Variants in CDKL2 observed in about 807,000 individuals in gnomAD.
CDKL2 encodes the protein cyclin-dependent kinase-like 2.
Under a neutral mutation model 63.9 loss-of-function variants are expected in CDKL2, and 64 were observed. The ratio of observed to expected loss-of-function variants is 1.00; its 90% CI spans 0.82 to 1.23. CDKL2 has a LOEUF of 1.23. Among genes scored for constraint, CDKL2 ranks in the 50% most tolerant of loss-of-function variants. The pLI is 0.00. For synonymous variants in CDKL2, 211 were observed against 229.2 expected, an observed-to-expected ratio of 0.92 and a Z score of 0.72; for missense variants, 656 against 668.0, an observed-to-expected ratio of 0.98 and a Z score of 0.20.
chr4:75,609,184 G>C (rs191079519), intron 3 of CDKL2, among the ~76,000 whole-genome samples: 1 of 152,280 alleles, frequency 6.6e-6, no homozygotes, highest in East Asian at 1.9e-4. Context: ...TGGGTGGAAT[G>C]CTGAGCACCC....
intron 2 of CDKL2, among the ~76,000 whole-genome samples, chr4:75,620,481 C>T (rs1194428743): frequency 6.6e-6 from 1 of 152,134 alleles, no homozygotes; most frequent in Non-Finnish European, 1.5e-5. Context: ...AGTATAATTA[C>T]TTTTGTTCAC....
intron 6 of CDKL2, among the ~76,000 whole-genome samples, chr4:75,602,009 T>G (rs1729208799): frequency 6.6e-6 from 1 of 152,190 alleles, no homozygotes; most frequent in African/African-American, 2.4e-5. Context: ...TAGAGTTGAT[T>G]CTCACTTGAT....
intron 13 of CDKL2, among the ~76,000 whole-genome samples, chr4:75,579,748 G>A (rs935156252): frequency 6.6e-6 from 1 of 152,126 alleles, no homozygotes; most frequent in Non-Finnish European, 1.5e-5. Flanking sequence ...TTGACAAAAT[G>A]CATCCAAGTT....
intron 12 of CDKL2, among the ~76,000 whole-genome samples, chr4:75,588,749 A>G (rs921399342): frequency 7.9e-5 from 12 of 152,214 alleles, no homozygotes; most frequent in African/African-American, 2.9e-4. Flanking sequence ...CCTAGAGCCC[A>G]GATCTTAATT....
chr4:75,625,985 C>T lies in CDKL2; in HGVS notation c.4G>A (p.Glu2Lys). 6.2e-7 allele frequency: 1 copy of T among 1,607,088 alleles called. No homozygotes were observed. The highest frequency in any genetic ancestry group is 1.3e-5 in the African/African-American group (1 of 74,594). Residue 2 changes from glutamate (E) to lysine (K), a missense_variant, in exon 2 of 14, where the codon GAA becomes AAA. Glu to Lys is a moderately conservative substitution (Grantham distance 56). Coordinates refer to ENST00000307465, the MANE Select transcript of CDKL2 (RefSeq NM_001330724.2). M[E>K]KYENLGLVGE... ...ACCAAACCCAGGTTTTCATATTTTTCCATTTTAATTTAAAGTCCGTAGAAA... is the reference window on the plus strand; with the variant it reads ...ACCAAACCCAGGTTTTCATATTTTTTCATTTTAATTTAAAGTCCGTAGAAA...
chr4:75,593,250 C>T (rs1171529371), intron 10 of CDKL2, among the ~76,000 whole-genome samples: 2 of 151,478 alleles, frequency 1.3e-5, no homozygotes, highest in African/African-American at 4.8e-5. Context: ...TATGCAAGTA[C>T]AAAAAATAAA....
chr4:75,605,992 T>A (rs1026430419), intron 4 of CDKL2, among the ~76,000 whole-genome samples: 1 of 152,162 alleles, frequency 6.6e-6, no homozygotes, highest in African/African-American at 2.4e-5. Context: ...AAAAGGGAAA[T>A]GCCTTCTGAA....
At chr4:75,619,380 G>T (rs1338511055) in intron 2 of CDKL2, among the ~76,000 whole-genome samples, 1 of 151,868 alleles carries the variant, frequency 6.6e-6, no homozygotes, top group Non-Finnish European at 1.5e-5. Context: ...ATTGGAAATG[G>T]CCCAGCAGCC....
chr4:75,596,872 A>G, intron 9 of CDKL2, 63 bp downstream of exon 9: 3 of 1,351,596 alleles, frequency 2.2e-6, no homozygotes, highest in Non-Finnish European at 3.1e-6. Context: ...TGAATTGACA[A>G]ACCCTTGCAA....
In CDKL2 at chr4:75,577,182, A is replaced by C. The variant is rs1728059403; in HGVS notation, c.*2020T>G. Reference sequence around the variant, plus strand: ...CAAGCCCACTGCTCCCCACCAGTACATACACATATTCCCTATTAGTGTGTG... The same window carrying C: ...CAAGCCCACTGCTCCCCACCAGTACCTACACATATTCCCTATTAGTGTGTG... On this transcript the variant is annotated 3_prime_UTR_variant, in exon 14 of 14. Coordinates refer to ENST00000307465, the MANE Select transcript of CDKL2 (RefSeq NM_001330724.2). Among the ~76,000 whole-genome samples the C allele has an allele frequency of 6.6e-6, 1 of 152,148 alleles. No individual in the cohort carries two copies. The highest frequency in any genetic ancestry group is 2.4e-5 in the African/African-American group (1 of 41,448).
intron 3 of CDKL2, among the ~76,000 whole-genome samples, chr4:75,609,610 T>A (rs1301497397): frequency 1.6e-4 from 24 of 147,184 alleles, no homozygotes; most frequent in East Asian, 7.9e-4. Flanking sequence ...TCAAAAAATA[T>A]ATATATAAAA....
intron 7 of CDKL2, among the ~76,000 whole-genome samples, chr4:75,598,720 C>T (rs1729049775): frequency 1.3e-5 from 2 of 151,772 alleles, no homozygotes; most frequent in Admixed American, 1.3e-4. Context: ...TGAGAATATA[C>T]GTAAAGCACC....
Position 75,603,863 on chromosome 4 carries a change from T to C in CDKL2, c.749A>G (p.Glu250Gly), listed in dbSNP as rs748935128. 3 of 1,613,626 alleles carry C rather than the reference T, an allele frequency of 1.9e-6. No homozygotes were observed. The highest frequency in any genetic ancestry group is 3.3e-5 in the Admixed American group (2 of 59,894). ...LPEIKEREPL[E>G]RRYPKLSEVV... is the part of the protein sequence containing the mutation. ...TTCAGAGAGCTTAGGATAGCGTCTT[T>C]CAAGAGGTTCTCTTTCCTTGATTTC... Residue 250 changes from glutamate (E) to glycine (G), a missense_variant, in exon 6 of 14, where the codon GAA becomes GGA. Coordinates refer to ENST00000307465, the MANE Select transcript of CDKL2 (RefSeq NM_001330724.2).
intron 7 of CDKL2, among the ~76,000 whole-genome samples, chr4:75,598,815 A>T (rs1009292594): frequency 1.3e-5 from 2 of 152,198 alleles, no homozygotes; most frequent in Non-Finnish European, 2.9e-5. Flanking sequence ...AGATATTTTT[A>T]CTTGAAAGAA....
chr4:75,626,134 C>A, intron 1 of CDKL2, 117 bp from the exon 2 acceptor site: 1 of 658,156 alleles, frequency 1.5e-6, no homozygotes, highest in Non-Finnish European at 2.6e-6. Flanking sequence ...TCATGGCTGT[C>A]CTGTATTAAT....
chr4:75,625,074 T>G (rs1170161815), intron 2 of CDKL2, among the ~76,000 whole-genome samples: 16 of 152,270 alleles, frequency 1.1e-4, no homozygotes, highest in Admixed American at 3.9e-4. Context: ...CAGTGTTGGA[T>G]AAAACAAGCA....
chr4:75,594,096 T>G (rs1728814047), intron 10 of CDKL2, among the ~76,000 whole-genome samples: 1 of 152,226 alleles, frequency 6.6e-6, no homozygotes, highest in Non-Finnish European at 1.5e-5. Flanking sequence ...ATTATAAATA[T>G]TTATTTTGTG....
At chr4:75,596,693 C>T (rs1728954714) in intron 9 of CDKL2, among the ~76,000 whole-genome samples, 1 of 152,196 alleles carries the variant, frequency 6.6e-6, no homozygotes. Context: ...GACTATATAG[C>T]TGTAGATTCT....
At chr4:75,598,369 G>A (rs777209223) in intron 7 of CDKL2, among the ~76,000 whole-genome samples, 157 bp from the exon 8 acceptor site, 1 of 152,052 alleles carries the variant, frequency 6.6e-6, no homozygotes, top group African/African-American at 2.4e-5. Flanking sequence ...TTTGGAAAGG[G>A]TGGTGTGTAG....
Sources: gnomAD v4.1 joint callset for allele counts (sites outside exome capture counted in the v4.1 genomes callset) on GRCh38, gnomAD v4.1.1 for gene constraint, MANE v1.5 for transcripts, NCBI Gene and HGNC (gene_info 2026-07-23, HGNC 2026-07-21) for gene names.